AMZ1: variants seen among roughly 807,000 people sequenced by gnomAD.
AMZ1 encodes archaelysin family metallopeptidase 1, also known as archaemetzincin-1.
In AMZ1, 39 loss-of-function variants were observed where a neutral mutation model predicts 29.9. The observed-to-expected ratio is 1.30, with a 90% CI of 1.01 to 1.70. The LOEUF is 1.70. Among genes scored for constraint, AMZ1 ranks in the 40% most tolerant of loss-of-function variants. AMZ1 has a pLI of 0.00. For synonymous variants in AMZ1, 458 were observed against 304.0 expected (o/e 1.51, Z -5.27); for missense variants, 1,041 against 680.6 (o/e 1.53, Z -5.89).
chr7:2,710,681 CCT>C (rs1233265871), intron 6 of AMZ1, among the ~76,000 whole-genome samples: 1 of 152,210 alleles, frequency 6.6e-6, no homozygotes, highest in Non-Finnish European at 1.5e-5. Flanking sequence ...CTGCAGGGAT[CCT>C]CTCTGAAGAC....
At chr7:2,730,862 T>G in intron 4 of AMZ1, 1 of 103,174 alleles carries the variant, frequency 9.7e-6, no homozygotes, top group Non-Finnish European at 1.8e-5. Context: ...GGTCCTCAAT[T>G]AAACTGCGTC....
intron 3 of AMZ1, among the ~76,000 whole-genome samples, chr7:2,707,465 TC>T (rs1217698515): frequency 6.6e-6 from 1 of 152,102 alleles, no homozygotes; most frequent in Non-Finnish European, 1.5e-5. Context: ...CCCCCTTCCC[TC>T]CCTGGGCTTC....
chr7:2,762,771 C>T (rs1239172745), upstream of AMZ1: 5 of 1,547,608 alleles, frequency 3.2e-6, no homozygotes, highest in Admixed American at 4.0e-5. Flanking sequence ...GTCCTTTCCA[C>T]CCAGGCTGTA....
At position 2,708,570 on chromosome 7, in the gene AMZ1, C is replaced by T. The variant is rs963588880; in HGVS notation, c.473-18C>T. On this transcript the variant is annotated intron_variant, in intron 3 of 6. Transcript: ENST00000683327. ...CCCGGCTGCCTCCTGACCCCATCCT[C>T]TGGCCCTCTCCCCGCAGACGGCATC... 6.2e-7 allele frequency: 1 copy of T among 1,611,220 alleles called. No individual in the cohort carries two copies. The highest frequency in any genetic ancestry group is 1.1e-5 in the South Asian group (1 of 91,078).
At chr7:2,748,016 A>G (rs1049620388) in intron 4 of AMZ1, among the ~76,000 whole-genome samples, 6 of 150,840 alleles carry the variant, frequency 4.0e-5, no homozygotes, top group Non-Finnish European at 7.4e-5. Context: ...AAGAGGATAC[A>G]AACAAATGGA....
intron 4 of AMZ1, among the ~76,000 whole-genome samples, chr7:2,745,625 A>T (rs1282555606): frequency 1.3e-5 from 2 of 152,250 alleles, no homozygotes; most frequent in East Asian, 3.8e-4. Flanking sequence ...CGAGCAAAAT[A>T]GCCAGCTGAC....
chr7:2,757,925 C>T (rs1791380234), intron 4 of AMZ1, among the ~76,000 whole-genome samples: 2 of 152,114 alleles, frequency 1.3e-5, no homozygotes, highest in African/African-American at 4.8e-5. Context: ...TCGCTGTCCC[C>T]ACATCAGAAT....
At chr7:2,745,600 A>G (rs1790727234) in intron 4 of AMZ1, among the ~76,000 whole-genome samples, 1 of 152,226 alleles carries the variant, frequency 6.6e-6, no homozygotes, top group Non-Finnish European at 1.5e-5. Context: ...GCTAGGAAAA[A>G]ACTGCATCAA....
At chr7:2,723,657 T>A (rs1789509240), downstream of AMZ1, among the ~76,000 whole-genome samples, 1 of 152,070 alleles carries the variant, frequency 6.6e-6, no homozygotes, top group South Asian at 2.1e-4. Flanking sequence ...TCGGGGACGA[T>A]TCAGATCAGC....
At chr7:2,740,023 C>T (rs1790418820) in intron 4 of AMZ1, among the ~76,000 whole-genome samples, 2 of 152,168 alleles carry the variant, frequency 1.3e-5, no homozygotes, top group Non-Finnish European at 2.9e-5. Flanking sequence ...AAGCTGTTCT[C>T]CACGGCGGCT....
intron 4 of AMZ1, among the ~76,000 whole-genome samples, chr7:2,734,488 C>A (rs980368175): frequency 6.6e-6 from 1 of 152,162 alleles, no homozygotes; most frequent in African/African-American, 2.4e-5. Context: ...ACACATGTGG[C>A]GAGCTGACGC....
chr7:2,720,760 C>T (rs1186885860), downstream of AMZ1, among the ~76,000 whole-genome samples: 1 of 152,012 alleles, frequency 6.6e-6, no homozygotes, highest in Admixed American at 6.6e-5. Context: ...AGGCTTATCT[C>T]AAATGCCTGG....
chr7:2,735,894 G>A (rs1790147581), intron 4 of AMZ1, among the ~76,000 whole-genome samples: 1 of 152,120 alleles, frequency 6.6e-6, no homozygotes, highest in South Asian at 2.1e-4. Context: ...GGGCTGGAGG[G>A]GAGGGAAGAA....
intron 4 of AMZ1, among the ~76,000 whole-genome samples, chr7:2,753,185 T>G (rs1254763937): frequency 6.6e-6 from 1 of 152,036 alleles, no homozygotes; most frequent in East Asian, 1.9e-4. Flanking sequence ...GACAGGGTCT[T>G]ACTGTGTTGC....
intron 6 of AMZ1, among the ~76,000 whole-genome samples, chr7:2,711,108 C>G (rs553382132): frequency 1.3e-5 from 2 of 152,208 alleles, no homozygotes; most frequent in Non-Finnish European, 2.9e-5. Context: ...TGTAGCTCCT[C>G]CTCCTGCCCA....
At chr7:2,698,702 G>A (rs1042581484) in intron 1 of AMZ1, among the ~76,000 whole-genome samples, 1 of 152,050 alleles carries the variant, frequency 6.6e-6, no homozygotes, top group Non-Finnish European at 1.5e-5. Context: ...GCAGGACATT[G>A]TACACACTTT....
upstream of AMZ1, among the ~76,000 whole-genome samples, chr7:2,764,312 G>A (rs1300436963): frequency 2.6e-5 from 4 of 151,456 alleles, no homozygotes; most frequent in African/African-American, 9.7e-5. Context: ...CAAACTCCTA[G>A]GCTGGAGTGA....
chr7:2,707,512 C>T (rs375221186), intron 3 of AMZ1, among the ~76,000 whole-genome samples: 1 of 151,984 alleles, frequency 6.6e-6, no homozygotes, highest in African/African-American at 2.4e-5. Flanking sequence ...TGCCCAGGTT[C>T]AGCCCCTGGG....
chr7:2,699,167 C>T (rs1332584600), intron 1 of AMZ1, among the ~76,000 whole-genome samples: 1 of 152,184 alleles, frequency 6.6e-6, no homozygotes, highest in Non-Finnish European at 1.5e-5. Flanking sequence ...CCAGCCCACT[C>T]TCCATCCGCC....
Sources: gnomAD v4.1 joint callset for allele counts (sites outside exome capture counted in the v4.1 genomes callset) on GRCh38, gnomAD v4.1.1 for gene constraint, MANE v1.5 for transcripts, NCBI Gene and HGNC (gene_info 2026-07-23, HGNC 2026-07-21) for gene names.